Variants in TSG101 observed in about 807,000 individuals in gnomAD.
TSG101 encodes the protein tumor susceptibility gene 101 protein.
In TSG101, 19 loss-of-function variants were observed where a neutral mutation model predicts 48.5. That is an observed-to-expected ratio of 0.39 (90% CI 0.27 to 0.58). The LOEUF is 0.58. TSG101 is among the 20% of genes least tolerant of loss of function. The pLI is 0.55. For missense variants in TSG101, 365 were observed against 484.4 expected, an observed-to-expected ratio of 0.75 and a Z score of 2.31; for synonymous variants, 174 against 169.4, an observed-to-expected ratio of 1.03 and a Z score of -0.21.
chr11:18,507,840 G>C (rs1179512569), intron 5 of TSG101: 2 of 152,150 alleles, frequency 1.3e-5, no homozygotes, highest in African/African-American at 4.8e-5. Context: ...GCTCACGCCT[G>C]TAATCCCAGC....
chr11:18,505,580 G>A (rs1849956635), intron 6 of TSG101, among the ~76,000 whole-genome samples: 1 of 152,012 alleles, frequency 6.6e-6, no homozygotes, highest in African/African-American at 2.4e-5. Context: ...GATTACCACT[G>A]AAACAAGTAC....
intron 7 of TSG101, among the ~76,000 whole-genome samples, chr11:18,501,227 T>C (rs967265539): frequency 2.6e-5 from 4 of 152,216 alleles, no homozygotes; most frequent in Non-Finnish European, 4.4e-5. Flanking sequence ...CTATGTATTC[T>C]TCTAGTAGTT....
rs1354000818 is a variant in TSG101, at chr11:18,521,361, T to TTC, written c.43-1759_43-1758insGA. On this transcript the variant is annotated intron_variant, in intron 1 of 9. Transcript: ENST00000251968. ...GCAATATTTGACCAAACTGATTCCTTTTTTTTTTTTTTTTTTTTTTTTTTT... is the reference window on the plus strand; with the variant it reads ...GCAATATTTGACCAAACTGATTCCTTTCTTTTTTTTTTTTTTTTTTTTTTTTT... 3.8e-3 allele frequency among the ~76,000 whole-genome samples: 473 copies of TTC among 124,420 alleles called. 6 individuals carry two copies. The highest frequency in any genetic ancestry group is 0.015 in the African/African-American group (457 of 31,066). The allele number at this position is 124,420 out of a possible 152,430, so 81.6% of individuals were successfully genotyped here. A position where few individuals can be genotyped will look rare whatever the true frequency, so the allele number is the denominator to read the frequency against.
chr11:18,504,940 TTCTC>T (rs1849945085), intron 6 of TSG101, among the ~76,000 whole-genome samples: 1 of 152,194 alleles, frequency 6.6e-6, no homozygotes, highest in African/African-American at 2.4e-5. Context: ...AAAGGAATCT[TTCTC>T]TATTGTCCCT....
rs1018516910 is a variant in TSG101, at chr11:18,509,472, A to AT, written c.481+69dup. On this transcript the variant is annotated intron_variant, in intron 5 of 9. Transcript: ENST00000251968. ...AGCAAAGAAGTCATTATTTTTCTTT[A>AT]TTTTTTTACAAAGGTTTCTGTTCTC... 858 of 1,522,784 alleles carry AT rather than the reference A, an allele frequency of 5.6e-4. 2 individuals carry two copies. In the African/African-American group the frequency reaches 0.01, roughly 18 times the overall value. The allele number at this position is 1,522,784 out of a possible 1,614,324, so 94.3% of individuals were successfully genotyped here.
At position 18,526,744 on chromosome 11, in the gene TSG101, G is replaced by GC. The variant is rs757817001; in HGVS notation, c.42+30dup. On this transcript the variant is annotated intron_variant, in intron 1 of 9. Coordinates refer to ENST00000251968, the MANE Select transcript of TSG101 (RefSeq NM_006292.4). Reference sequence around the variant, plus strand: ...GGGCGCGGAAGGGAGCGGTGGGCGCGCCCTGGGAGGCGAGCGCGTCGCAGC... The same window carrying GC: ...GGGCGCGGAAGGGAGCGGTGGGCGCGCCCCTGGGAGGCGAGCGCGTCGCAGC... 4 of 1,596,186 alleles carry GC rather than the reference G, an allele frequency of 2.5e-6. No homozygotes were observed. The Admixed American group carries it at 5.0e-5, about 20-fold the overall frequency.
chr11:18,494,787 T>C (rs996824823), intron 7 of TSG101, among the ~76,000 whole-genome samples: 1 of 152,028 alleles, frequency 6.6e-6, no homozygotes, highest in Non-Finnish European at 1.5e-5. Flanking sequence ...TTGGGTGCCA[T>C]ATCCTGAAAG....
intron 8 of TSG101, 30 bp downstream of exon 8, chr11:18,483,840 A>T (rs1345438697): frequency 6.2e-7 from 1 of 1,611,884 alleles, no homozygotes; most frequent in Non-Finnish European, 8.5e-7. Context: ...ATTCAATCCA[A>T]AAATTTTAAG....
intron 7 of TSG101, among the ~76,000 whole-genome samples, chr11:18,489,936 CAAGT>C (rs1849674447): frequency 6.6e-6 from 1 of 152,106 alleles, no homozygotes; most frequent in Non-Finnish European, 1.5e-5. Context: ...ATTTTTTCTA[CAAGT>C]AAGAGTTTTG....
chr11:18,509,161 C>T (rs1018423420), intron 5 of TSG101, among the ~76,000 whole-genome samples: 2 of 152,214 alleles, frequency 1.3e-5, no homozygotes, highest in East Asian at 1.9e-4. Context: ...TAATCCTTAT[C>T]TACAACACTG....
intron 7 of TSG101, among the ~76,000 whole-genome samples, chr11:18,498,059 A>C (rs1400544312): frequency 2.1e-5 from 3 of 140,504 alleles, no homozygotes; most frequent in Non-Finnish European, 4.6e-5. Context: ...ACTCTTCTGG[A>C]TGTTGAGTGT....
chr11:18,520,059 A>T (rs1850243719), intron 1 of TSG101, among the ~76,000 whole-genome samples: 1 of 152,160 alleles, frequency 6.6e-6, no homozygotes, highest in African/African-American at 2.4e-5. Flanking sequence ...ACCCTTTAGC[A>T]ATCACCCCCC....
chr11:18,495,726 A>AC (rs1449073303), intron 7 of TSG101, among the ~76,000 whole-genome samples: 4 of 145,572 alleles, frequency 2.7e-5, no homozygotes, highest in African/African-American at 1.0e-4. Flanking sequence ...ACCGACTACC[A>AC]CCTCCTCATT....
chr11:18,506,449 T>C (rs937328204), intron 6 of TSG101, among the ~76,000 whole-genome samples: 2 of 151,646 alleles, frequency 1.3e-5, no homozygotes, highest in Admixed American at 6.6e-5. Context: ...TCCCAGCGCT[T>C]TGGGAGTCTG....
chr11:18,488,520 C>A (rs1849652717), intron 7 of TSG101, among the ~76,000 whole-genome samples: 1 of 152,132 alleles, frequency 6.6e-6, no homozygotes, highest in African/African-American at 2.4e-5. Flanking sequence ...TCAGGGCCAG[C>A]CTCAATACAG....
rs1347296930 is a variant in TSG101, at chr11:18,499,383, T to TAA, written c.640+3102_640+3103insTT. Among the ~76,000 whole-genome samples, 35 of 8,710 alleles carry TAA rather than the reference T, an allele frequency of 4.0e-3. 1 individual carries two copies. The highest frequency in any genetic ancestry group is 0.01 in the African/African-American group (35 of 3,442). 5.7% of individuals were successfully genotyped at this position (8,710 alleles called of 152,430 possible). ...ATATATAAATATGTTTATATTTAAATATATATATATATATATATATTTTTT... is the reference window on the plus strand; with the variant it reads ...ATATATAAATATGTTTATATTTAAATAAATATATATATATATATATATTTTTT... On this transcript the variant is annotated intron_variant, in intron 7 of 9. Coordinates refer to ENST00000251968, the MANE Select transcript of TSG101 (RefSeq NM_006292.4).
At chr11:18,521,355 ATTCCTTTTTTT>A (rs1850269579) in intron 1 of TSG101, among the ~76,000 whole-genome samples, 1 of 114,460 alleles carries the variant, frequency 8.7e-6, no homozygotes, top group Non-Finnish European at 1.8e-5. Flanking sequence ...GACCAAACTG[ATTCCTTTTTTT>A]TTTTTTTTTT....
At chr11:18,526,401 G>A (rs1341878679) in intron 1 of TSG101, among the ~76,000 whole-genome samples, 2 of 152,184 alleles carry the variant, frequency 1.3e-5, no homozygotes, top group Admixed American at 1.3e-4. Flanking sequence ...GACAGGAGTA[G>A]AGGATTGCCT....
chr11:18,483,249 CT>C (rs977385092), intron 8 of TSG101, among the ~76,000 whole-genome samples: 51 of 152,258 alleles, frequency 3.3e-4, no homozygotes, highest in African/African-American at 1.2e-3. Flanking sequence ...AATCCCAACA[CT>C]TTGGGAGGCC....
Sources: allele counts gnomAD v4.1 joint callset (sites outside exome capture counted in the v4.1 genomes callset), GRCh38; gene constraint gnomAD v4.1.1; transcripts MANE v1.5; gene names NCBI Gene and HGNC (gene_info 2026-07-23, HGNC 2026-07-21).